The following LRRN2 variants were observed in gnomAD, a reference collection of about 807,000 sequenced individuals.
LRRN2 encodes leucine rich repeat neuronal 2, also known as leucine-rich repeat neuronal protein 2.
Under a neutral mutation model 35.7 loss-of-function variants are expected in LRRN2, and 10 were observed. The ratio of observed to expected loss-of-function variants is 0.28; its 90% CI spans 0.17 to 0.47. The LOEUF (loss-of-function observed/expected upper bound fraction) is 0.47. LRRN2 is among the 20% of genes least tolerant of loss of function. The pLI is 0.99. For missense variants in LRRN2, 731 were observed against 940.3 expected, an observed-to-expected ratio of 0.78 and a Z score of 2.91; for synonymous variants, 391 against 409.6, an observed-to-expected ratio of 0.95 and a Z score of 0.55.
chr1:204,656,200 C>T (rs1323691181), intron 1 of LRRN2, among the ~76,000 whole-genome samples: 1 of 152,212 alleles, frequency 6.6e-6, no homozygotes, highest in South Asian at 2.1e-4. Context: ...TGAGCCACCA[C>T]GCCTGGCCCC....
intron 1 of LRRN2, among the ~76,000 whole-genome samples, chr1:204,627,684 G>A (rs113673412): frequency 0.016 from 2,464 of 152,350 alleles, 29 homozygotes; most frequent in African/African-American, 0.031. Flanking sequence ...TTGGGGGCAC[G>A]GAGGCAGCTC....
Position 204,651,541 on chromosome 1 carries a change from A to G in LRRN2, c.-226-31323T>C, listed in dbSNP as rs2102609375. 2.0e-5 allele frequency among the ~76,000 whole-genome samples: 3 copies of G among 152,288 alleles called. No homozygotes were observed. In the South Asian group the frequency reaches 6.2e-4, roughly 32 times the overall value. On this transcript the variant is annotated intron_variant, in intron 1 of 1. Transcript: ENST00000367177. ...GGGACTGACACCTGGATGATGAGGA[A>G]GCAGAGTGGGGTGACCAACTTGTCC...
rs540825707 is a variant in LRRN2, at chr1:204,618,655, C to T, written c.1338G>A (p.Arg446=). 8.1e-6 allele frequency: 13 copies of T among 1,608,126 alleles called. No homozygotes were observed. In the South Asian group the frequency reaches 1.2e-4, roughly 15 times the overall value. ...TCTCGGGTTCGGGTTCGGCCAGTGC[C>T]CGGCAATGCAGCACCATGCTCTCTC... is the stretch of plus-strand genomic sequence containing the variant. ...ASGESMVLHC[R]ALAEPEPEIY... is the part of the protein sequence containing the mutation. The change falls in exon 2 of 2, where the codon CGG becomes CGA. Residue 446 remains arginine (R), a synonymous_variant. Coordinates refer to ENST00000367177, the MANE Select transcript of LRRN2 (RefSeq NM_201630.2).
chr1:204,623,626 C>T (rs1667085439), intron 1 of LRRN2, among the ~76,000 whole-genome samples: 1 of 152,224 alleles, frequency 6.6e-6, no homozygotes, highest in South Asian at 2.1e-4. Context: ...TGCACATGGC[C>T]CGCTCATGCA....
chr1:204,659,560 C>T (rs1340265103), intron 1 of LRRN2, among the ~76,000 whole-genome samples: 1 of 152,062 alleles, frequency 6.6e-6, no homozygotes, highest in Non-Finnish European at 1.5e-5. Flanking sequence ...CTTACGGCCA[C>T]CTAAGAGAAT....
intron 1 of LRRN2, 25 bp from the exon 2 acceptor site, chr1:204,620,243 A>T (rs941146505): frequency 1.0e-4 from 144 of 1,414,396 alleles, no homozygotes; most frequent in Non-Finnish European, 1.2e-4. Context: ...TGCAGAGTTA[A>T]GGAGGTTGCA....
chr1:204,684,470 G>C lies in LRRN2; in HGVS notation c.-227+850C>G, dbSNP rs529438197. ...CCCCCGGGGCCCCTCCCCAGGTTCC[G>C]GGTCTCCTGCACCTCTTTAGCTTCT... On this transcript the variant is annotated intron_variant, in intron 1 of 1. Transcript: ENST00000367177. Among the ~76,000 whole-genome samples the C allele has an allele frequency of 7.8e-4, 118 of 152,244 alleles. 1 individual carries two copies. The highest frequency in any genetic ancestry group is 2.8e-3 in the African/African-American group (117 of 41,564).
At chr1:204,675,434 G>A (rs1668803750) in intron 1 of LRRN2, among the ~76,000 whole-genome samples, 1 of 152,220 alleles carries the variant, frequency 6.6e-6, no homozygotes, top group African/African-American at 2.4e-5. Context: ...GAGGCTGGAG[G>A]AGAGACTCTG....
chr1:204,618,363 A>G lies in LRRN2; in HGVS notation c.1630T>C (p.Ser544Pro). ...ACTGTGTTGGGTGGGGTGACCCAAG[A>G]TAGCAGGATGTGATAGGGGTGGGTC... ...QETHPYHILL[S>P]WVTPPNTVST... The change falls in exon 2 of 2, where the codon TCT becomes CCT. Residue 544 changes from serine to proline, a missense_variant. Physicochemically the swap from Ser to Pro is moderately conservative, Grantham distance 74. Coordinates refer to ENST00000367177, the MANE Select transcript of LRRN2 (RefSeq NM_201630.2). 1 of 1,602,882 alleles carries G rather than the reference A, an allele frequency of 6.2e-7. No homozygotes were observed. Among genetic ancestry groups the G allele is most frequent in the Non-Finnish European group, 8.5e-7 (1 of 1,173,604 alleles).
In LRRN2 at chr1:204,665,270, C is replaced by T. The variant is rs565018318; in HGVS notation, c.-227+20050G>A. The stretch of plus-strand genomic sequence containing the variant: ...TCTCAGGGCGCAATCCCACATGGCT[C>T]GCCAAAAGGCCAAAACTTCTTTAAA... On this transcript the variant is annotated intron_variant, in intron 1 of 1. Transcript: ENST00000367177. Among the ~76,000 whole-genome samples, 6 of 152,206 alleles carry T rather than the reference C, an allele frequency of 3.9e-5. No homozygotes were observed. In the South Asian group the frequency reaches 6.2e-4, roughly 16 times the overall value.
At chr1:204,661,589 G>T (rs1255123380) in intron 1 of LRRN2, among the ~76,000 whole-genome samples, 2 of 152,138 alleles carry the variant, frequency 1.3e-5, no homozygotes, top group Admixed American at 1.3e-4. Flanking sequence ...CACCCCCAAG[G>T]GTGATCTTGA....
intron 1 of LRRN2, among the ~76,000 whole-genome samples, chr1:204,667,645 G>T (rs1668601814): frequency 6.6e-6 from 1 of 152,184 alleles, no homozygotes; most frequent in African/African-American, 2.4e-5. Context: ...TGCTGACTGT[G>T]CTCAGTTCAT....
intron 1 of LRRN2, among the ~76,000 whole-genome samples, chr1:204,680,827 C>A (rs1668932341): frequency 6.6e-6 from 1 of 152,188 alleles, no homozygotes; most frequent in African/African-American, 2.4e-5. Flanking sequence ...ATACCTGTGC[C>A]CCAAATACCC....
Position 204,619,842 on chromosome 1 carries a change from T to C in LRRN2, c.151A>G (p.Thr51Ala). The C allele has an allele frequency of 6.2e-7, 1 of 1,613,710 alleles. No individual in the cohort carries two copies. Among genetic ancestry groups the C allele is most frequent in the Non-Finnish European group, 8.5e-7 (1 of 1,179,802 alleles). The change falls in exon 2 of 2, where the codon ACC becomes GCC. Residue 51 changes from threonine to alanine, a missense_variant. By Grantham distance (58) the Thr-to-Ala change is moderately conservative (BLOSUM62 0). Coordinates refer to ENST00000367177, the MANE Select transcript of LRRN2 (RefSeq NM_201630.2). The stretch of plus-strand genomic sequence containing the variant: ...AATAGGTCATTGCAGTCCACAGTGG[T>C]AGCCTCGCGGTAGGACGAGCGGGGC... The part of the protein sequence containing the change: ...YTPRSSYREA[T>A]TVDCNDLFLT...
chr1:204,617,812 G>T lies in LRRN2; in HGVS notation c.*39C>A. Reference sequence around the variant, plus strand: ...ACTGCTTCTCTTTTGGTAAAAAGTAGTCCTAGTGATTTCTCTACTGCTGAG... The same window carrying T: ...ACTGCTTCTCTTTTGGTAAAAAGTATTCCTAGTGATTTCTCTACTGCTGAG... On this transcript the variant is annotated 3_prime_UTR_variant, in exon 2 of 2. Transcript: ENST00000367177. The T allele has an allele frequency of 6.2e-7, 1 of 1,606,722 alleles. No homozygotes were observed. Among genetic ancestry groups the T allele is most frequent in the South Asian group, 1.1e-5 (1 of 90,762 alleles).
chr1:204,655,921 CTTTT>C (rs748666486), intron 1 of LRRN2, among the ~76,000 whole-genome samples: 1 of 151,852 alleles, frequency 6.6e-6, no homozygotes, highest in African/African-American at 2.4e-5. Context: ...TTTTTCTTTT[CTTTT>C]TTGAGACGGA....
Position 204,618,737 on chromosome 1 carries a change from T to A in LRRN2, c.1256A>T (p.His419Leu). 6.2e-7 allele frequency: 1 copy of A among 1,608,362 alleles called. No individual in the cohort carries two copies. Among genetic ancestry groups the A allele is most frequent in the Non-Finnish European group, 8.5e-7 (1 of 1,176,404 alleles). ...TCGTGGGGAGATGAGGGGCAAACAGTGGTCCGTCATCTCCCGGAAGGGCAC... is the reference window on the plus strand; with the variant it reads ...TCGTGGGGAGATGAGGGGCAAACAGAGGTCCGTCATCTCCCGGAAGGGCAC... ...REVPFREMTD[H>L]CLPLISPRSF... The change falls in exon 2 of 2, where the codon CAC (histidine) becomes CTC (leucine). Residue 419 changes from histidine (H) to leucine (L), a missense_variant. This residue lies in a region of LRRN2 where 256 missense variants were observed against 392.4 expected (regional missense o/e 0.65). Coordinates refer to ENST00000367177, the MANE Select transcript of LRRN2 (RefSeq NM_201630.2).
rs1321021139 is a variant in LRRN2 at position 204,617,705 on chromosome 1, A to G, written c.*146T>C. The G allele has an allele frequency of 1.1e-6, 1 of 915,872 alleles. No homozygotes were observed. Among genetic ancestry groups the G allele is most frequent in the Non-Finnish European group, 1.7e-6 (1 of 587,358 alleles). 56.7% of individuals were successfully genotyped at this position (915,872 alleles called of 1,614,324 possible). ...GCTGCAGAAGCACCCCCAGGGCCAC[A>G]AAGCCCCATCTGTCTTGGCCCAGCT... is the stretch of plus-strand genomic sequence containing the variant. On this transcript the variant is annotated 3_prime_UTR_variant, in exon 2 of 2. Coordinates refer to ENST00000367177, the MANE Select transcript of LRRN2 (RefSeq NM_201630.2).
chr1:204,682,264 C>T (rs548713085), intron 1 of LRRN2, among the ~76,000 whole-genome samples: 1 of 152,236 alleles, frequency 6.6e-6, no homozygotes, highest in South Asian at 2.1e-4. Flanking sequence ...AAGTCATTGC[C>T]CTCCCTGCCT....
Sources: gnomAD v4.1 joint callset for allele counts (sites outside exome capture counted in the v4.1 genomes callset) on GRCh38, gnomAD v4.1.1 for gene constraint, gnomAD v4.1.1 regional missense constraint, MANE v1.5 for transcripts, NCBI Gene and HGNC (gene_info 2026-07-23, HGNC 2026-07-21) for gene names.